The following DESI2 variants were observed in gnomAD, a reference collection of about 807,000 sequenced individuals.
The protein encoded by DESI2 is deubiquitinase DESI2.
Under a neutral mutation model 24.1 loss-of-function variants are expected in DESI2, and 10 were observed. The observed-to-expected ratio is 0.41, with a 90% confidence interval of 0.26 to 0.70. The LOEUF (loss-of-function observed/expected upper bound fraction) is 0.70, where lower values mean the gene tolerates loss of function less well. Among genes scored for constraint, DESI2 ranks in the 30% least tolerant of loss-of-function variants. DESI2 has a pLI of 0.29. For synonymous variants in DESI2, 71 were observed against 87.7 expected, an observed-to-expected ratio of 0.81 and a Z score of 1.06; for missense variants, 122 against 234.9, an observed-to-expected ratio of 0.52 and a Z score of 3.14.
At chr1:244,694,093 ATAAT>A (rs1433692704) in intron 4 of DESI2, among the ~76,000 whole-genome samples, 1 of 152,242 alleles carries the variant, frequency 6.6e-6, no homozygotes, top group African/African-American at 2.4e-5. Flanking sequence ...CACTATATTA[ATAAT>A]TGATTGTTGA....
At chr1:244,693,157 C>T (rs1037943992) in intron 4 of DESI2, among the ~76,000 whole-genome samples, 1 of 152,232 alleles carries the variant, frequency 6.6e-6, no homozygotes, top group Non-Finnish European at 1.5e-5. Context: ...GGGAAAATGA[C>T]TTATCAAAGA....
At chr1:244,694,569 T>C in intron 4 of DESI2, 1 of 794,968 alleles carries the variant, frequency 1.3e-6, no homozygotes, top group South Asian at 1.3e-5. Context: ...TCTTTTAGCC[T>C]TGGCACTGCC....
intron 1 of DESI2, 54 bp downstream of exon 1, chr1:244,653,409 C>T (rs1261242302): frequency 2.6e-6 from 4 of 1,521,086 alleles, no homozygotes; most frequent in Non-Finnish European, 3.5e-6. Flanking sequence ...CTTCCTCTCG[C>T]CCGTGGGGCT....
At position 244,682,263 on chromosome 1, in the gene DESI2, G is replaced by A. The variant is rs145676764; in HGVS notation, c.43-4334G>A. 4.4e-3 allele frequency among the ~76,000 whole-genome samples: 668 copies of A among 152,230 alleles called. 5 individuals are homozygous for A. Among genetic ancestry groups the A allele is most frequent in the African/African-American group, 0.016 (646 of 41,552 alleles). ...CACTGATTGGTCCATTTTACAGAGT[G>A]CTGATTGGTCTGTTTTTTACAGAGC... On this transcript the variant is annotated intron_variant, in intron 1 of 4. Coordinates refer to ENST00000302550, the MANE Select transcript of DESI2 (RefSeq NM_016076.5).
At chr1:244,664,116 T>C (rs1362366804) in intron 1 of DESI2, among the ~76,000 whole-genome samples, 2 of 151,170 alleles carry the variant, frequency 1.3e-5, no homozygotes, top group East Asian at 1.9e-4. Flanking sequence ...TCATTTAACA[T>C]AGCTAAATCT....
At chr1:244,667,598 C>T (rs1307892512) in intron 1 of DESI2, among the ~76,000 whole-genome samples, 1 of 152,240 alleles carries the variant, frequency 6.6e-6, no homozygotes, top group East Asian at 1.9e-4. Flanking sequence ...GGATACAAAT[C>T]CATGCATCCT....
intron 1 of DESI2, among the ~76,000 whole-genome samples, chr1:244,657,016 G>A (rs1016976799): frequency 1.3e-5 from 2 of 151,998 alleles, no homozygotes; most frequent in East Asian, 1.9e-4. Context: ...CAAGTGATCC[G>A]CCCGCCTCAG....
At chr1:244,701,546 A>G (rs910095768) in intron 4 of DESI2, among the ~76,000 whole-genome samples, 1 of 152,204 alleles carries the variant, frequency 6.6e-6, no homozygotes, top group Non-Finnish European at 1.5e-5. Context: ...TAGAATCTCC[A>G]GATGGCAGAG....
At chr1:244,693,519 C>T (rs1677101756) in intron 4 of DESI2, among the ~76,000 whole-genome samples, 1 of 152,072 alleles carries the variant, frequency 6.6e-6, no homozygotes, top group Admixed American at 6.6e-5. Flanking sequence ...ACAACCTCTG[C>T]CTCCCAGGTT....
At chr1:244,683,602 C>G (rs563525649) in intron 1 of DESI2, among the ~76,000 whole-genome samples, 9 of 152,280 alleles carry the variant, frequency 5.9e-5, no homozygotes, top group East Asian at 1.9e-4. Context: ...TGAGCCACCG[C>G]GCCCAGCCTT....
intron 1 of DESI2, among the ~76,000 whole-genome samples, chr1:244,680,841 G>A (rs1457859502): frequency 2.0e-5 from 3 of 151,822 alleles, no homozygotes; most frequent in Admixed American, 6.6e-5. Flanking sequence ...CATGATCTTT[G>A]CCTGACTCAA....
At chr1:244,661,067 A>C (rs981472971) in intron 1 of DESI2, among the ~76,000 whole-genome samples, 11 of 152,326 alleles carry the variant, frequency 7.2e-5, no homozygotes, top group East Asian at 1.9e-4. Context: ...GTTTTTAACT[A>C]TACAATCTAC....
intron 4 of DESI2, among the ~76,000 whole-genome samples, chr1:244,695,197 C>G (rs953935894): frequency 1.3e-5 from 2 of 152,182 alleles, no homozygotes; most frequent in African/African-American, 4.8e-5. Context: ...CCTTTGGAAA[C>G]AGTGGAACTC....
At chr1:244,687,342 C>T (rs1330393913) in intron 2 of DESI2, among the ~76,000 whole-genome samples, 2 of 152,172 alleles carry the variant, frequency 1.3e-5, no homozygotes, top group African/African-American at 4.8e-5. Context: ...CTAATTCCTA[C>T]TCTTGATGCA....
chr1:244,701,048 A>C (rs1677431197), intron 4 of DESI2, among the ~76,000 whole-genome samples: 1 of 152,308 alleles, frequency 6.6e-6, no homozygotes, highest in Non-Finnish European at 1.5e-5. Flanking sequence ...ATGTGAGAAC[A>C]ACAATAGAGG....
intron 1 of DESI2, 70 bp from the exon 2 acceptor site, chr1:244,686,527 C>A: frequency 2.1e-6 from 2 of 945,170 alleles, no homozygotes; most frequent in South Asian, 2.7e-5. Flanking sequence ...GGGGAGCAGT[C>A]ACTTCTGTAG....
chr1:244,699,948 C>CCA (rs2148816739), intron 4 of DESI2, among the ~76,000 whole-genome samples: 1 of 152,356 alleles, frequency 6.6e-6, no homozygotes, highest in East Asian at 1.9e-4. Context: ...CCTGCACTTC[C>CCA]CACACGGAAC....
intron 1 of DESI2, among the ~76,000 whole-genome samples, chr1:244,667,760 C>G (rs1318331646): frequency 6.6e-6 from 1 of 152,148 alleles, no homozygotes; most frequent in Non-Finnish European, 1.5e-5. Context: ...TGAACTAGTG[C>G]AATGGTTTAG....
rs1677740985 is a variant in DESI2 at position 244,707,205 on chromosome 1, G to C, written c.*1416G>C. On this transcript the variant is annotated 3_prime_UTR_variant, in exon 5 of 5. Transcript: ENST00000302550. ...TTATTGACATTTATTTAAACTTTTA[G>C]ATTGGATTGTTTGCTATTGCTCTGT... 1 of 152,510 alleles carries C rather than the reference G, an allele frequency of 6.6e-6. No individual in the cohort carries two copies. Among genetic ancestry groups the C allele is most frequent in the Non-Finnish European group, 1.5e-5 (1 of 68,024 alleles). The allele number at this position is 152,510 out of a possible 1,614,324, so 9.4% of individuals were successfully genotyped here.
Sources: gnomAD v4.1 joint callset for allele counts (sites outside exome capture counted in the v4.1 genomes callset) on GRCh38, gnomAD v4.1.1 for gene constraint, MANE v1.5 for transcripts, NCBI Gene and HGNC (gene_info 2026-07-23, HGNC 2026-07-21) for gene names.